Variants in ZFR2 observed in about 807,000 individuals in gnomAD.
The protein encoded by ZFR2 is zinc finger RNA-binding protein 2.
Under a neutral mutation model 105.7 loss-of-function variants are expected in ZFR2, and 104 were observed. The observed-to-expected ratio is 0.98, with a 90% CI of 0.84 to 1.16. The LOEUF (loss-of-function observed/expected upper bound fraction) is 1.16, where lower values mean the gene tolerates loss of function less well. Ranked by LOEUF, ZFR2 falls within the 50% of genes most tolerant of loss-of-function variation. The pLI is 0.00. For synonymous variants in ZFR2, 634 were observed against 597.7 expected (o/e 1.06, Z -0.89); for missense variants, 1,425 against 1,355.5 (o/e 1.05, Z -0.80).
chr19:3,861,321 C>A (rs748209590), intron 1 of ZFR2, among the ~76,000 whole-genome samples: 16 of 152,208 alleles, frequency 1.1e-4, no homozygotes, highest in Non-Finnish European at 2.1e-4. Flanking sequence ...TAAAAGAAAT[C>A]TGGCAACTTT....
chr19:3,862,870 C>G (rs1465783295), intron 1 of ZFR2, among the ~76,000 whole-genome samples: 15 of 152,210 alleles, frequency 9.9e-5, no homozygotes. Flanking sequence ...GTTCCCCCCT[C>G]GCTCCTCCAG....
chr19:3,838,192 A>C lies in ZFR2; in HGVS notation c.54-3209T>G, dbSNP rs1043565293. Among the ~76,000 whole-genome samples the C allele has an allele frequency of 2.0e-5, 3 of 151,966 alleles. No homozygotes were observed. Among genetic ancestry groups the C allele is most frequent in the Non-Finnish European group, 4.4e-5 (3 of 67,960 alleles). ...ATGAACACCATGACCGTGACACCCG[A>C]TGAACATCCCGACAATACATTCGAT... is the stretch of plus-strand genomic sequence containing the variant. On this transcript the variant is annotated intron_variant, in intron 1 of 18. Coordinates refer to ENST00000262961, the MANE Select transcript of ZFR2 (RefSeq NM_015174.2). The surrounding 1 kb of genome is among the most constrained non-coding windows in gnomAD (Gnocchi z 4.9).
At chr19:3,815,750 ATTTTT>A (rs10579892) in intron 13 of ZFR2, among the ~76,000 whole-genome samples, 1 of 136,976 alleles carries the variant, frequency 7.3e-6, no homozygotes, top group Non-Finnish European at 1.6e-5. Context: ...TGCTCAGCTA[ATTTTT>A]TTTTTTTTTT....
intron 3 of ZFR2, among the ~76,000 whole-genome samples, chr19:3,833,307 T>C (rs901373116): frequency 2.7e-5 from 4 of 149,696 alleles, no homozygotes; most frequent in African/African-American, 4.9e-5. Context: ...CCGGGCATGG[T>C]GGCTCACGCC....
rs769893256 is a variant in ZFR2, at chr19:3,831,449, G to GCGGGGGCAGCTGCTGCGGGGGTCC, written c.682_705dup (p.Gly228_Pro235dup). On this transcript the variant is annotated inframe_insertion, in exon 5 of 19. Transcript: ENST00000262961. Reference sequence around the variant, plus strand: ...CTTCCTGAGCCTGCAGGCGCGGGCGGCGGGGGCAGCTGCTGCGGGGGTCCC... The same window carrying GCGGGGGCAGCTGCTGCGGGGGTCC: ...CTTCCTGAGCCTGCAGGCGCGGGCGGCGGGGGCAGCTGCTGCGGGGGTCCCGGGGGCAGCTGCTGCGGGGGTCCC... 2.6e-6 allele frequency: 4 copies of GCGGGGGCAGCTGCTGCGGGGGTCC among 1,550,346 alleles called. No individual in the cohort carries two copies. Among genetic ancestry groups the GCGGGGGCAGCTGCTGCGGGGGTCC allele is most frequent in the Non-Finnish European group, 3.5e-6 (4 of 1,148,088 alleles).
intron 9 of ZFR2, 73 bp downstream of exon 9, chr19:3,822,008 C>T (rs1418994960): frequency 2.0e-6 from 3 of 1,514,586 alleles, no homozygotes; most frequent in African/African-American, 2.8e-5. Context: ...GAGGCCCGAC[C>T]ACAGGCCTCC....
rs571012616 is a variant in ZFR2 at position 3,813,781 on chromosome 19, T to C, written c.2242+39A>G. On this transcript the variant is annotated intron_variant, in intron 14 of 18. Coordinates refer to ENST00000262961, the MANE Select transcript of ZFR2 (RefSeq NM_015174.2). The surrounding 1 kb of genome is among the most constrained non-coding windows in gnomAD (Gnocchi z 4.4). ...GTGTGGGGAGCGCCCTGGGGAAGCG[T>C]GAGGGGGACAGTGGTTGGAAGGAAG... 3 of 1,607,830 alleles carry C rather than the reference T, an allele frequency of 1.9e-6. No individual in the cohort carries two copies. The African/African-American group carries it at 4.0e-5, about 22-fold the overall frequency.
chr19:3,860,711 C>T (rs541426355), intron 1 of ZFR2, among the ~76,000 whole-genome samples: 4 of 152,226 alleles, frequency 2.6e-5, no homozygotes, highest in East Asian at 1.9e-4. Flanking sequence ...GCAGGACAAG[C>T]GACAGAATTT....
At chr19:3,868,897 G>T in intron 1 of ZFR2, 68 bp downstream of exon 1, 1 of 1,179,294 alleles carries the variant, frequency 8.5e-7, no homozygotes. Flanking sequence ...CGGGAGAAGG[G>T]GTAGGCGGGG....
chr19:3,867,391 A>G (rs1031802211), intron 1 of ZFR2, among the ~76,000 whole-genome samples: 26 of 152,128 alleles, frequency 1.7e-4, no homozygotes, highest in Non-Finnish European at 2.2e-4. Flanking sequence ...CGGGCTGAAG[A>G]TAGCAGAGAT....
At chr19:3,810,955 C>A in intron 15 of ZFR2, 110 bp from the exon 16 acceptor site, 2 of 1,248,320 alleles carry the variant, frequency 1.6e-6, no homozygotes, top group Non-Finnish European at 2.2e-6. Flanking sequence ...GGGAGCCTGG[C>A]GGGCCTCGAA....
chr19:3,833,913 G>A, intron 2 of ZFR2, 135 bp from the exon 3 acceptor site: 2 of 670,836 alleles, frequency 3.0e-6, no homozygotes, highest in Non-Finnish European at 4.8e-6. Flanking sequence ...GTCTGCCCAG[G>A]ACCAGGCCCT....
intron 5 of ZFR2, among the ~76,000 whole-genome samples, chr19:3,828,700 T>G (rs2145155853): frequency 6.6e-6 from 1 of 152,158 alleles, no homozygotes. Flanking sequence ...CTGCTTGAAA[T>G]CCTCAAATGA....
Position 3,811,271 on chromosome 19 carries a change from C to T in ZFR2, c.2337+1G>A, listed in dbSNP as rs1429298364. On this transcript the variant is annotated splice_donor_variant, in intron 15 of 18. Coordinates refer to ENST00000262961, the MANE Select transcript of ZFR2 (RefSeq NM_015174.2). LOFTEE classifies it high-confidence loss of function. The stretch of plus-strand genomic sequence containing the variant: ...CCCTGCTCCACCCCTGCCCCCCTGA[C>T]CTGAAACCACCTGGCATGACGGAGG... 6.3e-7 allele frequency: 1 copy of T among 1,585,568 alleles called. No homozygotes were observed. The highest frequency in any genetic ancestry group is 1.3e-5 in the African/African-American group (1 of 74,124).
intron 12 of ZFR2, among the ~76,000 whole-genome samples, chr19:3,817,326 A>G (rs2037836313): frequency 6.6e-6 from 1 of 152,004 alleles, no homozygotes. Flanking sequence ...TGGGAGGCCG[A>G]GGTGGGCAGA....
chr19:3,811,460 C>CTTTT, intron 14 of ZFR2, 94 bp from the exon 15 acceptor site: 2 of 884,520 alleles, frequency 2.3e-6, no homozygotes, highest in Non-Finnish European at 3.2e-6. Context: ...CCCCTCGACG[C>CTTTT]TTTTTTTTTT....
Position 3,808,869 on chromosome 19 carries a change from G to T in ZFR2, c.2545+3C>A, listed in dbSNP as rs1444164627. On this transcript the variant is annotated splice_donor_region_variant and intron_variant, in intron 17 of 18. Transcript: ENST00000262961. ...TCCTGGGCCCTCCGGCCCAGCGACT[G>T]ACCTGTCAGGAGCGTCCCTGTGGCC... is the stretch of plus-strand genomic sequence containing the variant. 5 of 1,544,870 alleles carry T rather than the reference G, an allele frequency of 3.2e-6. No individual in the cohort carries two copies. In the South Asian group the frequency reaches 6.0e-5, roughly 18 times the overall value.
At position 3,833,663 on chromosome 19, in the gene ZFR2, C is replaced by T. The variant is rs201554234; in HGVS notation, c.379+1G>A. The T allele has an allele frequency of 1.8e-4, 279 of 1,554,454 alleles. No homozygotes were observed. Among genetic ancestry groups the T allele is most frequent in the Non-Finnish European group, 2.4e-4 (273 of 1,148,914 alleles). On this transcript the variant is annotated splice_donor_variant, in intron 3 of 18. Transcript: ENST00000262961. LOFTEE classifies it high-confidence loss of function. The stretch of plus-strand genomic sequence containing the variant: ...CAGCCCCGACCCTGCAGATGGCTCA[C>T]CTGGCTGGCCGGAGTCTGCGGCTGT...
At chr19:3,809,663 G>C (rs1171242751) in intron 16 of ZFR2, among the ~76,000 whole-genome samples, 2 of 152,188 alleles carry the variant, frequency 1.3e-5, no homozygotes. Flanking sequence ...AGTGTGAAAG[G>C]TCCGGCGCGG....
Sources: gnomAD v4.1 joint callset for allele counts (sites outside exome capture counted in the v4.1 genomes callset) on GRCh38, gnomAD v4.1.1 for gene constraint, Gnocchi (gnomAD v3.1) non-coding constraint, MANE v1.5 for transcripts, NCBI Gene and HGNC (gene_info 2026-07-23, HGNC 2026-07-21) for gene names.